Variants in ASCC1 observed in about 807,000 individuals in gnomAD.
The protein encoded by ASCC1 is ASC-1 complex subunit P50.
In ASCC1, 35 loss-of-function variants were observed where a neutral mutation model predicts 46.6. The observed-to-expected ratio is 0.75, with a 90% CI of 0.57 to 0.99. The LOEUF (loss-of-function observed/expected upper bound fraction) is 0.99. ASCC1 is among the 50% of genes least tolerant of loss of function. The pLI is 0.00. For missense variants in ASCC1, 376 were observed against 428.7 expected (o/e 0.88, Z 1.09); for synonymous variants, 143 against 146.6 (o/e 0.98, Z 0.18).
chr10:72,132,908 C>T, intron 8 of ASCC1, 149 bp downstream of exon 8: 1 of 900,704 alleles, frequency 1.1e-6, no homozygotes, highest in South Asian at 1.6e-5. Flanking sequence ...TATGTTCTTG[C>T]CCACCTCTAC....
At chr10:72,214,621 CCCGCCTCAGT>C (rs1858798864) in intron 1 of ASCC1, among the ~76,000 whole-genome samples, 1 of 152,038 alleles carries the variant, frequency 6.6e-6, no homozygotes, top group African/African-American at 2.4e-5. Context: ...AGGTGATCCA[CCCGCCTCAGT>C]CTCCCAAAGT....
intron 6 of ASCC1, among the ~76,000 whole-genome samples, chr10:72,156,191 A>G (rs1161658166): frequency 6.6e-6 from 1 of 152,110 alleles, no homozygotes; most frequent in Non-Finnish European, 1.5e-5. Context: ...TACTTGTTTC[A>G]AAGTGTGTGG....
chr10:72,194,666 T>C (rs1346163458), intron 5 of ASCC1, among the ~76,000 whole-genome samples: 1 of 152,164 alleles, frequency 6.6e-6, no homozygotes, highest in Non-Finnish European at 1.5e-5. Flanking sequence ...ATCCATATAA[T>C]AGAACAGTAG....
chr10:72,173,192 C>T lies in ASCC1; in HGVS notation c.490-11518G>A, dbSNP rs1430436015. Among the ~76,000 whole-genome samples the T allele has an allele frequency of 5.9e-5, 9 of 151,662 alleles. No homozygotes were observed. In the East Asian group the frequency reaches 1.7e-3, roughly 29 times the overall value. ...CTAGGAAACATAAGGGGAAAATGGCCTAATGGTTTAAAATTCCCAGCTTAC... is the reference window on the plus strand; with the variant it reads ...CTAGGAAACATAAGGGGAAAATGGCTTAATGGTTTAAAATTCCCAGCTTAC... On this transcript the variant is annotated intron_variant, in intron 5 of 9. Transcript: ENST00000672957.
chr10:72,157,906 A>G (rs538287569), intron 6 of ASCC1, among the ~76,000 whole-genome samples: 1 of 152,218 alleles, frequency 6.6e-6, no homozygotes, highest in Non-Finnish European at 1.5e-5. Context: ...CTCAAGTACA[A>G]TTATTACCTT....
intron 9 of ASCC1, among the ~76,000 whole-genome samples, chr10:72,116,449 T>C (rs756983679): frequency 6.6e-5 from 10 of 152,222 alleles, no homozygotes; most frequent in East Asian, 1.9e-4. Context: ...TTAAAATTCA[T>C]TGGGCTTCTT....
intron 5 of ASCC1, among the ~76,000 whole-genome samples, chr10:72,187,731 A>C (rs1399625393): frequency 6.6e-6 from 1 of 150,668 alleles, no homozygotes; most frequent in Non-Finnish European, 1.5e-5. Flanking sequence ...AAAAAAAAAA[A>C]AAAAAAAAAA....
chr10:72,187,191 A>G (rs1853587709), intron 5 of ASCC1, among the ~76,000 whole-genome samples: 1 of 152,194 alleles, frequency 6.6e-6, no homozygotes, highest in African/African-American at 2.4e-5. Flanking sequence ...TTGTTATGAA[A>G]TGTTAAGGAG....
At chr10:72,184,710 A>C (rs1027725864) in intron 5 of ASCC1, among the ~76,000 whole-genome samples, 1 of 152,030 alleles carries the variant, frequency 6.6e-6, no homozygotes, top group African/African-American at 2.4e-5. Context: ...AAGTAGATAC[A>C]AAATCAGTAT....
intron 5 of ASCC1, among the ~76,000 whole-genome samples, chr10:72,162,633 T>C (rs1389298199): frequency 1.3e-5 from 2 of 151,700 alleles, no homozygotes; most frequent in Non-Finnish European, 2.9e-5. Flanking sequence ...CAGAACCCAG[T>C]AGAACCCAAT....
intron 5 of ASCC1, among the ~76,000 whole-genome samples, chr10:72,191,182 C>T (rs181632910): frequency 0.014 from 2,056 of 149,100 alleles, 22 homozygotes; most frequent in Non-Finnish European, 0.024. Flanking sequence ...CTCAGCCTCC[C>T]GAGTAGCTGG....
chr10:72,190,442 A>G, intron 5 of ASCC1: 1 of 1,598,148 alleles, frequency 6.3e-7, no homozygotes, highest in Non-Finnish European at 8.5e-7. Context: ...CCACAGGGAG[A>G]TGCGTGGGCT....
intron 9 of ASCC1, among the ~76,000 whole-genome samples, chr10:72,111,811 T>A (rs186672937): frequency 6.6e-6 from 1 of 152,076 alleles, no homozygotes; most frequent in East Asian, 1.9e-4. Flanking sequence ...CCGGCTAATT[T>A]TTTTGTATTT....
At chr10:72,170,460 C>T (rs914976638) in intron 5 of ASCC1, among the ~76,000 whole-genome samples, 2 of 151,920 alleles carry the variant, frequency 1.3e-5, no homozygotes, top group African/African-American at 2.4e-5. Context: ...TCAAGAAAGA[C>T]AAAGAGCCGG....
chr10:72,185,959 A>T (rs932691194), intron 5 of ASCC1, among the ~76,000 whole-genome samples: 3 of 152,168 alleles, frequency 2.0e-5, no homozygotes. Context: ...AGATGCATGT[A>T]CAGATGCTCA....
In ASCC1 at chr10:72,099,078, C is replaced by T. The variant is rs565302659; in HGVS notation, c.958-1628G>A. On this transcript the variant is annotated intron_variant, in intron 9 of 9. Transcript: ENST00000672957. ...AATACAAAAGAAAACTAAAAGGAAACTCATAATACTTTCAACAAGTTACTT... is the reference window on the plus strand; with the variant it reads ...AATACAAAAGAAAACTAAAAGGAAATTCATAATACTTTCAACAAGTTACTT... Among the ~76,000 whole-genome samples, 66 of 152,234 alleles carry T rather than the reference C, an allele frequency of 4.3e-4. No homozygotes were observed. The South Asian group carries it at 0.012, about 27-fold the overall frequency.
chr10:72,117,591 T>A (rs1191928887), intron 9 of ASCC1, among the ~76,000 whole-genome samples: 2 of 152,238 alleles, frequency 1.3e-5, no homozygotes, highest in Non-Finnish European at 2.9e-5. Context: ...TGAGTGCATA[T>A]ATGTAATCTC....
intron 5 of ASCC1, among the ~76,000 whole-genome samples, chr10:72,184,282 T>C (rs983168978): frequency 6.7e-6 from 1 of 149,080 alleles, no homozygotes; most frequent in Admixed American, 6.7e-5. Context: ...AAAAATAAGA[T>C]GGTAGATTTA....
chr10:72,189,823 A>T, intron 5 of ASCC1: 1 of 378,516 alleles, frequency 2.6e-6, no homozygotes, highest in Non-Finnish European at 4.7e-6. Context: ...AAAAAAAAAA[A>T]GAACCAAAGA....
Sources: gnomAD v4.1 joint callset for allele counts (sites outside exome capture counted in the v4.1 genomes callset) on GRCh38, gnomAD v4.1.1 for gene constraint, MANE v1.5 for transcripts, NCBI Gene and HGNC (gene_info 2026-07-23, HGNC 2026-07-21) for gene names.